Variants in RUNX1T1 observed in about 807,000 individuals in gnomAD.
The protein encoded by RUNX1T1 is protein CBFA2T1.
In RUNX1T1, 4 loss-of-function variants were observed where a neutral mutation model predicts 62.8. The ratio of observed to expected loss-of-function variants is 0.06; its 90% CI spans 0.03 to 0.15. The LOEUF (loss-of-function observed/expected upper bound fraction) is 0.15, where lower values mean the gene tolerates loss of function less well. Ranked by LOEUF, RUNX1T1 falls within the 10% of genes least tolerant of loss-of-function variation. The pLI, the probability that RUNX1T1 is intolerant of heterozygous loss-of-function variation, is 1.00. For missense variants in RUNX1T1, 508 were observed against 754.3 expected, an observed-to-expected ratio of 0.67 and a Z score of 3.82; for synonymous variants, 291 against 286.0, an observed-to-expected ratio of 1.02 and a Z score of -0.18.
rs774166216 is a variant in RUNX1T1, at chr8:91,963,912, T to C, written c.1459-3395A>G. On this transcript the variant is annotated intron_variant, in intron 10 of 10. Coordinates refer to ENST00000396218, the Ensembl canonical transcript of RUNX1T1. The stretch of plus-strand genomic sequence containing the variant: ...AGTGTAGAAAGCTCACGGATATCCA[T>C]ATCACAGCAAATTTCATTCCCAAAG... Among the ~76,000 whole-genome samples, 3 of 152,340 alleles carry C rather than the reference T, an allele frequency of 2.0e-5. No homozygotes were observed. In the South Asian group the frequency reaches 6.2e-4, roughly 32 times the overall value.
chr8:91,995,054 T>C (rs1818406728), intron 5 of RUNX1T1, among the ~76,000 whole-genome samples: 1 of 152,234 alleles, frequency 6.6e-6, no homozygotes, highest in Admixed American at 6.5e-5. Flanking sequence ...CCTTATTTTT[T>C]GTGCAAAAAT....
At chr8:92,038,230 A>C (rs1827787571) in intron 1 of RUNX1T1, among the ~76,000 whole-genome samples, 1 of 152,062 alleles carries the variant, frequency 6.6e-6, no homozygotes. Context: ...AAATTCTTTT[A>C]TATCCTTTTA....
chr8:91,974,758 T>C (rs1465775338), intron 9 of RUNX1T1, among the ~76,000 whole-genome samples: 11 of 152,212 alleles, frequency 7.2e-5, no homozygotes, highest in Non-Finnish European at 1.5e-4. Flanking sequence ...AATTTGCGTA[T>C]TGGACGTGCA....
intron 2 of RUNX1T1, among the ~76,000 whole-genome samples, chr8:92,072,435 T>A (rs1369399366): frequency 6.6e-6 from 1 of 152,148 alleles, no homozygotes; most frequent in Non-Finnish European, 1.5e-5. Context: ...AGTGGTATAT[T>A]TATATACATA....
chr8:92,037,384 A>G (rs775941479), intron 1 of RUNX1T1, among the ~76,000 whole-genome samples: 1 of 152,176 alleles, frequency 6.6e-6, no homozygotes, highest in Non-Finnish European at 1.5e-5. Context: ...AAATACATAA[A>G]CAAGTCCTTC....
chr8:92,062,748 T>A, exon 1 of RUNX1T1: 4 of 1,559,124 alleles, frequency 2.6e-6, no homozygotes, highest in Non-Finnish European at 3.5e-6. Context: ...ACACTCCGGA[T>A]TGCACTTGGA....
intron 1 of RUNX1T1, among the ~76,000 whole-genome samples, chr8:92,046,517 C>A (rs1563839129): frequency 1.3e-5 from 2 of 152,112 alleles, no homozygotes. Flanking sequence ...GCCTGTACCA[C>A]CATGTCCCAC....
chr8:91,975,759 T>C (rs1292435027), intron 9 of RUNX1T1, 146 bp downstream of exon 10: 2 of 613,832 alleles, frequency 3.3e-6, no homozygotes, highest in East Asian at 2.6e-5. Context: ...TCAGGTGTTT[T>C]GTTTAGTGGT....
Position 92,078,019 on chromosome 8 carries a change from T to G in RUNX1T1, c.-85-1882A>C, listed in dbSNP as rs1047778463. Among the ~76,000 whole-genome samples, 63 of 152,130 alleles carry G rather than the reference T, an allele frequency of 4.1e-4. 1 individual carries two copies. Among genetic ancestry groups the G allele is most frequent in the African/African-American group, 1.5e-3 (63 of 41,436 alleles). On this transcript the variant is annotated intron_variant, in intron 1 of 11. Coordinates refer to the RUNX1T1 transcript ENST00000265814. ...GTTTTTTGAAGTGAATGAAGAAAAT[T>G]GGCAGGAACATGGTGATAACAAAGT...
At position 91,989,636 on chromosome 8, in the gene RUNX1T1, C is replaced by T. The variant is rs961250447; in HGVS notation, c.910+2003G>A. On this transcript the variant is annotated intron_variant, in intron 6 of 10. Coordinates refer to ENST00000396218, the Ensembl canonical transcript of RUNX1T1. The stretch of plus-strand genomic sequence containing the variant: ...AGCACCTGCTGCCTAAGAAACAGGC[C>T]ATTTGCTAACACATCTACAAAATGG... 2.6e-5 allele frequency among the ~76,000 whole-genome samples: 4 copies of T among 152,134 alleles called. 1 individual carries two copies. Among genetic ancestry groups the T allele is most frequent in the Admixed American group, 2.6e-4 (4 of 15,270 alleles).
intron 1 of RUNX1T1, among the ~76,000 whole-genome samples, chr8:92,059,185 T>C (rs1342766310): frequency 6.6e-6 from 1 of 152,200 alleles, no homozygotes. Context: ...TCTTCTATAG[T>C]TGGCACAAGG....
At chr8:92,082,537 CCA>C (rs1363787335) in intron 1 of RUNX1T1, among the ~76,000 whole-genome samples, 1 of 152,140 alleles carries the variant, frequency 6.6e-6, no homozygotes, top group East Asian at 1.9e-4. Context: ...CCTTGAGGCC[CCA>C]CACACAGCTG....
intron 1 of RUNX1T1, among the ~76,000 whole-genome samples, chr8:92,020,927 A>G (rs1267822977): frequency 1.3e-5 from 2 of 151,872 alleles, no homozygotes; most frequent in Non-Finnish European, 2.9e-5. Context: ...TGTGTTTCTA[A>G]GGTACAAAAA....
At chr8:92,089,358 C>T (rs1836616671) in intron 1 of RUNX1T1, among the ~76,000 whole-genome samples, 1 of 152,122 alleles carries the variant, frequency 6.6e-6, no homozygotes, top group Non-Finnish European at 1.5e-5. Flanking sequence ...CAAACTATTT[C>T]TTCAGACAAA....
At chr8:92,060,915 C>G (rs544997847) in intron 1 of RUNX1T1, among the ~76,000 whole-genome samples, 5 of 147,546 alleles carry the variant, frequency 3.4e-5, no homozygotes, top group Non-Finnish European at 3.0e-5. Flanking sequence ...TTTTCTAACA[C>G]AGTTGATGAG....
At chr8:92,045,190 G>A (rs1829184122) in intron 1 of RUNX1T1, among the ~76,000 whole-genome samples, 2 of 152,122 alleles carry the variant, frequency 1.3e-5, no homozygotes, top group Admixed American at 1.3e-4. Flanking sequence ...GGGAATTTAT[G>A]CACCGCCAAA....
chr8:91,958,843 AT>A (rs1809777463), downstream of RUNX1T1: 1 of 193,398 alleles, frequency 5.2e-6, no homozygotes, highest in Non-Finnish European at 1.1e-5. Flanking sequence ...TCCGTGAAGC[AT>A]GCTGGTTTTC....
intron 1 of RUNX1T1, among the ~76,000 whole-genome samples, chr8:92,036,051 A>G (rs1827356805): frequency 6.6e-6 from 1 of 152,188 alleles, no homozygotes; most frequent in Non-Finnish European, 1.5e-5. Context: ...ATATGGGTAT[A>G]TATGTTATTA....
chr8:91,960,000 T>C (rs1810079487), exon 11 of RUNX1T1: 2 of 549,766 alleles, frequency 3.6e-6, no homozygotes, highest in African/African-American at 3.8e-5. Context: ...CTGCTCTCTT[T>C]TCAGTTCTCT....
Sources: gnomAD v4.1 joint callset for allele counts (sites outside exome capture counted in the v4.1 genomes callset) on GRCh38, gnomAD v4.1.1 for gene constraint, MANE v1.5 for transcripts, NCBI Gene and HGNC (gene_info 2026-07-23, HGNC 2026-07-21) for gene names.